VMA21: variants seen among roughly 807,000 people sequenced by gnomAD.
VMA21 encodes vacuolar ATPase assembly factor VMA21.
For synonymous variants in VMA21, 47 were observed against 34.1 expected, an observed-to-expected ratio of 1.38 and a Z score of -1.32; for missense variants, 61 against 80.6, an observed-to-expected ratio of 0.76 and a Z score of 0.93.
At chrX:151,397,077 G>A (rs2011195894), upstream of VMA21, 6 of 450,707 alleles carry the variant, frequency 1.3e-5, no homozygotes, top group Non-Finnish European at 1.6e-5. Context: ...GTGAGCGCCC[G>A]CCCCCGCGCC....
chrX:151,403,699 C>T lies in VMA21; in HGVS notation c.122C>T (p.Pro41Leu). Residue 41 changes from proline (P) to leucine (L), a missense_variant, in exon 2 of 3, where the codon CCT becomes CTT. Coordinates refer to ENST00000330374, the MANE Select transcript of VMA21 (RefSeq NM_001017980.4). The stretch of plus-strand genomic sequence containing the variant: ...TTCACAGCTTTAATGATCACTGTTC[C>T]TATTGGGTTATATTTCACAACTAAA... ...LFFTALMITV[P>L]IGLYFTTKSY... is the part of the protein sequence containing the mutation. 8.3e-7 allele frequency: 1 copy of T among 1,208,923 alleles called. No individual in the cohort carries two copies. The highest frequency in any genetic ancestry group is 1.7e-5 in the African/African-American group (1 of 57,809).
In VMA21 at chrX:151,407,129, T is replaced by G. The variant is rs775062279; in HGVS notation, c.*2071T>G. On this transcript the variant is annotated 3_prime_UTR_variant, in exon 3 of 3. Coordinates refer to ENST00000330374, the MANE Select transcript of VMA21 (RefSeq NM_001017980.4). Reference sequence around the variant, plus strand: ...TTATGCTGTTTGTAAAATGTTACTGTCCAATGTTGGATTATTGTTTTGGTT... The same window carrying G: ...TTATGCTGTTTGTAAAATGTTACTGGCCAATGTTGGATTATTGTTTTGGTT... 8.9e-6 allele frequency: 1 copy of G among 112,681 alleles called. No homozygotes were observed. Among genetic ancestry groups the G allele is most frequent in the East Asian group, 2.8e-4 (1 of 3,608 alleles). 9.3% of individuals were successfully genotyped at this position (112,681 alleles called of 1,213,427 possible).
chrX:151,399,350 TATC>T (rs2011220396), intron 1 of VMA21, among the ~76,000 whole-genome samples: 1 of 112,214 alleles, frequency 8.9e-6, no homozygotes, highest in South Asian at 3.7e-4. Context: ...TATGGTGTTA[TATC>T]ATCTTTTCAA....
In VMA21 at chrX:151,408,575, A is replaced by C. The variant is rs1317758187; in HGVS notation, c.*3517A>C. On this transcript the variant is annotated 3_prime_UTR_variant, in exon 3 of 3. Coordinates refer to ENST00000330374, the MANE Select transcript of VMA21 (RefSeq NM_001017980.4). The stretch of plus-strand genomic sequence containing the variant: ...TCAAGCACTCTGTGTCACCCACCAG[A>C]TTAGTATAACTATTAATTCAGACTG... 1 of 112,429 alleles carries C rather than the reference A, an allele frequency of 8.9e-6. No homozygotes were observed. The highest frequency in any genetic ancestry group is 1.9e-5 in the Non-Finnish European group (1 of 53,282). The allele number at this position is 112,429 out of a possible 1,213,427, so 9.3% of individuals were successfully genotyped here.
chrX:151,400,882 TC>T (rs2011232007), intron 1 of VMA21, among the ~76,000 whole-genome samples: 1 of 112,567 alleles, frequency 8.9e-6, no homozygotes, highest in Non-Finnish European at 1.9e-5. Flanking sequence ...CATATTTTAA[TC>T]AGGTGGTTTT....
intron 2 of VMA21, among the ~76,000 whole-genome samples, chrX:151,404,557 TA>T (rs757759939): frequency 3.1e-4 from 34 of 111,066 alleles, no homozygotes; most frequent in Admixed American, 2.9e-3. Flanking sequence ...TAGCTGGGAC[TA>T]CAGGCGCCTG....
At position 151,405,019 on chromosome X, in the gene VMA21, T is replaced by G. The variant is rs774194029; in HGVS notation, c.267T>G (p.Asn89Lys). 3.3e-6 allele frequency: 4 copies of G among 1,211,674 alleles called. No homozygotes were observed. The highest frequency in any genetic ancestry group is 4.5e-6 in the Non-Finnish European group (4 of 895,603). ...VLALFVYVAW[N>K]EGSRQWREGK... ...CCCTCTTTGTGTATGTGGCCTGGAA[T>G]GAAGGCTCACGACAGTGGCGTGAAG... The change falls in exon 3 of 3, where the codon AAT becomes AAG. Residue 89 changes from asparagine to lysine, a missense_variant. Coordinates refer to ENST00000330374, the MANE Select transcript of VMA21 (RefSeq NM_001017980.4).
chrX:151,402,447 G>A (rs2011244371), intron 1 of VMA21, among the ~76,000 whole-genome samples: 1 of 112,402 alleles, frequency 8.9e-6, no homozygotes, highest in South Asian at 3.7e-4. Context: ...CTCCCAAAGT[G>A]CTGGGATTAC....
upstream of VMA21, chrX:151,396,847 G>A (rs2011192596): frequency 5.8e-6 from 3 of 521,654 alleles, no homozygotes; most frequent in Non-Finnish European, 1.1e-5. Flanking sequence ...CATATGCTCG[G>A]GTCTCCTTGC....
chrX:151,401,738 A>C (rs775647483), intron 1 of VMA21, among the ~76,000 whole-genome samples: 18 of 111,110 alleles, frequency 1.6e-4, no homozygotes, highest in Non-Finnish European at 3.0e-4. Flanking sequence ...GCCTTGGTTA[A>C]ATTTATTCCT....
rs757835538 is a variant in VMA21, at chrX:151,397,432, C to T, written c.53+71C>T. On this transcript the variant is annotated intron_variant, in intron 1 of 2. Coordinates refer to ENST00000330374, the MANE Select transcript of VMA21 (RefSeq NM_001017980.4). The stretch of plus-strand genomic sequence containing the variant: ...CTGGAGCAGGGCTTGAGGGAAGGCC[C>T]TAGCTGAATGGGTGGGCGTGAGGTC... 9.5e-5 allele frequency: 104 copies of T among 1,096,100 alleles called. No homozygotes were observed. The African/African-American group carries it at 1.0e-3, about 11-fold the overall frequency. The allele number at this position is 1,096,100 out of a possible 1,213,427, so 90.3% of individuals were successfully genotyped here.
chrX:151,398,392 C>T (rs2011211828), intron 1 of VMA21, among the ~76,000 whole-genome samples: 1 of 89,350 alleles, frequency 1.1e-5, no homozygotes, highest in Non-Finnish European at 2.6e-5. Context: ...TGTTCCTCTC[C>T]TAGTGTCCAT....
chrX:151,403,872 C>T, intron 2 of VMA21, 132 bp downstream of exon 2: 1 of 475,567 alleles, frequency 2.1e-6, no homozygotes, highest in East Asian at 3.7e-5. Context: ...TCATATTGCT[C>T]ATAATGAGTC....
chrX:151,399,938 T>C (rs2011225266), intron 1 of VMA21, among the ~76,000 whole-genome samples: 1 of 111,524 alleles, frequency 9.0e-6, no homozygotes, highest in South Asian at 3.8e-4. Flanking sequence ...ATTGTGTATA[T>C]TTGAGGTTCA....
chrX:151,407,025 A>G lies in VMA21; in HGVS notation c.*1967A>G, dbSNP rs1471850513. The G allele has an allele frequency of 8.9e-6, 1 of 112,488 alleles. No individual in the cohort carries two copies. Among genetic ancestry groups the G allele is most frequent in the Non-Finnish European group, 1.9e-5 (1 of 53,327 alleles). 9.3% of individuals were successfully genotyped at this position (112,488 alleles called of 1,213,427 possible). On this transcript the variant is annotated 3_prime_UTR_variant, in exon 3 of 3. Coordinates refer to ENST00000330374, the MANE Select transcript of VMA21 (RefSeq NM_001017980.4). The stretch of plus-strand genomic sequence containing the variant: ...TAGATTTCTAGATGGTCCCTAATTA[A>G]GAAGTATTGTTGTATTTAGAATTGT...
intron 1 of VMA21, among the ~76,000 whole-genome samples, chrX:151,397,614 C>G (rs1292104146): frequency 3.7e-4 from 40 of 108,363 alleles, no homozygotes. Flanking sequence ...CCTATCCTAG[C>G]ACTTTCTCTC....
At position 151,404,482 on chromosome X, in the gene VMA21, G is replaced by T. The variant is rs376478866; in HGVS notation, c.164-434G>T. ...CACCCAGGCTGGAGTGCAGTGGTGC[G>T]ATCTCGGCTCGCGTCAAGCTCTGCC... On this transcript the variant is annotated intron_variant, in intron 2 of 2. Transcript: ENST00000330374. Among the ~76,000 whole-genome samples the T allele has an allele frequency of 4.4e-5, 5 of 112,378 alleles. No homozygotes were observed. In the East Asian group the frequency reaches 1.4e-3, roughly 31 times the overall value.
At chrX:151,400,181 A>G (rs1181220438) in intron 1 of VMA21, among the ~76,000 whole-genome samples, 1 of 104,971 alleles carries the variant, frequency 9.5e-6, no homozygotes, top group East Asian at 3.0e-4. Flanking sequence ...ATATCTTCCT[A>G]TTTCCTCCCC....
chrX:151,397,008 C>T (rs2011194633), upstream of VMA21: 2 of 517,806 alleles, frequency 3.9e-6, no homozygotes, highest in East Asian at 3.6e-5. Flanking sequence ...AGGCCTGCTC[C>T]TCGAGCACAG....
Sources: allele counts gnomAD v4.1 joint callset (sites outside exome capture counted in the v4.1 genomes callset), GRCh38; gene constraint gnomAD v4.1.1; transcripts MANE v1.5; gene names NCBI Gene and HGNC (gene_info 2026-07-23, HGNC 2026-07-21).